Variants in PSG5 observed in about 807,000 individuals in gnomAD.
The protein encoded by PSG5 is pregnancy specific beta-1-glycoprotein 5.
Under a neutral mutation model 37.7 loss-of-function variants are expected in PSG5, and 53 were observed. The observed-to-expected ratio is 1.41, with a 90% CI of 1.13 to 1.77. PSG5 has a LOEUF of 1.77. PSG5 is among the 40% of genes most tolerant of loss of function. The pLI is 0.00. For missense variants in PSG5, 547 were observed against 405.2 expected, an observed-to-expected ratio of 1.35 and a Z score of -3.00; for synonymous variants, 221 against 155.4, an observed-to-expected ratio of 1.42 and a Z score of -3.14.
At chr19:43,171,015 G>C (rs1432360859) in intron 4 of PSG5, 1 of 151,192 alleles carries the variant, frequency 6.6e-6, no homozygotes, top group Admixed American at 6.6e-5. Context: ...GGTAGGTACT[G>C]TTGAGGGGCA....
In PSG5 at chr19:43,175,609, C is replaced by T. The variant is rs557639670; in HGVS notation, c.710-140G>A. On this transcript the variant is annotated intron_variant, in intron 3 of 5. Coordinates refer to ENST00000342951, the MANE Select transcript of PSG5 (RefSeq NM_002781.4). ...CGAACCCCCACTATATTCACTGAGC[C>T]AAAGCCTGAGGTATTCACCTGTTTC... 153 of 1,438,968 alleles carry T rather than the reference C, an allele frequency of 1.1e-4. 3 individuals are homozygous for T. The highest frequency in any genetic ancestry group is 1.3e-4 in the Non-Finnish European group (143 of 1,069,162). The allele number at this position is 1,438,968 out of a possible 1,614,324, so 89.1% of individuals were successfully genotyped here.
At chr19:43,179,143 G>A (rs187996200) in intron 2 of PSG5, 2 of 1,595,380 alleles carry the variant, frequency 1.3e-6, no homozygotes, top group Non-Finnish European at 8.6e-7. Context: ...GAGATGGAGG[G>A]CTTGGGAGTT....
Position 43,184,776 on chromosome 19 carries a change from A to C in PSG5, c.430+6T>G. ...CAACACCCAGGGATCATGTGGAATC[A>C]CTCACGGTATAAGTTGAAGGTGAAA... On this transcript the variant is annotated splice_donor_region_variant and intron_variant, in intron 2 of 5. Coordinates refer to ENST00000342951, the MANE Select transcript of PSG5 (RefSeq NM_002781.4). 6.2e-7 allele frequency: 1 copy of C among 1,611,940 alleles called. No homozygotes were observed. The highest frequency in any genetic ancestry group is 8.5e-7 in the Non-Finnish European group (1 of 1,178,882).
chr19:43,185,276 A>G lies in PSG5; in HGVS notation c.65-129T>C, dbSNP rs1051541780. On this transcript the variant is annotated intron_variant, in intron 1 of 5. Transcript: ENST00000342951. ...GACACACACACACACAAACACACAC[A>G]CACACAAAAGGTGCATGTTAGTTTG... The G allele has an allele frequency of 1.4e-5, 18 of 1,272,450 alleles. 1 individual carries two copies. Among genetic ancestry groups the G allele is most frequent in the Non-Finnish European group, 1.9e-5 (17 of 915,058 alleles). 78.8% of individuals were successfully genotyped at this position (1,272,450 alleles called of 1,614,324 possible).
intron 2 of PSG5, among the ~76,000 whole-genome samples, chr19:43,177,700 CATT>C (rs796076371): frequency 6.6e-6 from 1 of 151,450 alleles, no homozygotes; most frequent in South Asian, 2.1e-4. Context: ...TTGTGGCAGT[CATT>C]AATAAGAGCC....
intron 2 of PSG5, among the ~76,000 whole-genome samples, chr19:43,177,834 A>G (rs888535656): frequency 2.0e-5 from 3 of 151,600 alleles, no homozygotes; most frequent in Admixed American, 6.6e-5. Context: ...AACAGTATTG[A>G]TTCTTCCAAT....
At chr19:43,174,483 G>A (rs1304645578) in intron 4 of PSG5, 71 of 756,946 alleles carry the variant, frequency 9.4e-5, no homozygotes, top group Admixed American at 7.5e-4. Context: ...ACTATCCTCC[G>A]TGCTGTGTCC....
At chr19:43,178,815 C>G (rs1292440326) in intron 2 of PSG5, 1 of 1,610,978 alleles carries the variant, frequency 6.2e-7, no homozygotes, top group Non-Finnish European at 8.5e-7. Flanking sequence ...ACTGAGAGGC[C>G]TGGCCTCTGG....
At chr19:43,177,918 G>A (rs977469338) in intron 2 of PSG5, among the ~76,000 whole-genome samples, 1 of 131,512 alleles carries the variant, frequency 7.6e-6, no homozygotes, top group Non-Finnish European at 1.6e-5. Context: ...GTAGTTTTCA[G>A]GGTATAATCA....
At position 43,179,352 on chromosome 19, in the gene PSG5, G is replaced by A. The variant is rs564861843; in HGVS notation, c.431-3204C>T. Among the ~76,000 whole-genome samples the A allele has an allele frequency of 1.7e-3, 262 of 151,646 alleles. 4 individuals are homozygous for A. The highest frequency in any genetic ancestry group is 5.9e-3 in the African/African-American group (245 of 41,216). ...GATTGTGAGGCTGCCTGCTTTATGT[G>A]GGAGAAGTACAGGCTTTCTCAAGTG... On this transcript the variant is annotated intron_variant, in intron 2 of 5. Transcript: ENST00000342951.
chr19:43,178,683 G>A (rs1568373502), intron 2 of PSG5, among the ~76,000 whole-genome samples: 1 of 151,618 alleles, frequency 6.6e-6, no homozygotes, highest in African/African-American at 2.4e-5. Flanking sequence ...CCCATGACAG[G>A]AGCAGCCTCT....
In PSG5 at chr19:43,175,382, T is replaced by C. The variant is rs774912890; in HGVS notation, c.797A>G (p.Asn266Ser). 58 of 1,612,694 alleles carry C rather than the reference T, an allele frequency of 3.6e-5. 1 individual carries two copies. Among genetic ancestry groups the C allele is most frequent in the Admixed American group, 1.0e-4 (6 of 59,900 alleles). The stretch of plus-strand genomic sequence containing the variant: ...TGTCCAAAAATACTCTGCCGGTGGG[T>C]TAGATTCCGCGAAGCAGGACAAGTA... ...NLYLSCFAES[N>S]PPAEYFWTIN... is the part of the protein sequence containing the mutation. The change falls in exon 4 of 6, where the codon AAC becomes AGC. Residue 266 changes from asparagine to serine, a missense_variant. By Grantham distance (46) the Asn-to-Ser change is conservative. Coordinates refer to ENST00000342951, the MANE Select transcript of PSG5 (RefSeq NM_002781.4).
Position 43,184,845 on chromosome 19 carries a change from G to A in PSG5, c.367C>T (p.His123Tyr), listed in dbSNP as rs1381953298. Residue 123 changes from histidine (H) to tyrosine (Y), a missense_variant, in exon 2 of 6, where the codon CAC becomes TAC. His to Tyr is a moderately conservative substitution (Grantham distance 83, BLOSUM62 2). Coordinates refer to ENST00000342951, the MANE Select transcript of PSG5 (RefSeq NM_002781.4). ...TREDAGSYTL[H>Y]IIKRGDRTRG... is the part of the protein sequence containing the mutation. ...GTCCTATCACCTCGCTTTATGATGT[G>A]TAAGGTGTAGGATCCTGCGTCTTCC... The A allele has an allele frequency of 4.3e-6, 7 of 1,612,490 alleles. No individual in the cohort carries two copies. The highest frequency in any genetic ancestry group is 5.9e-6 in the Non-Finnish European group (7 of 1,179,098).
chr19:43,170,198 C>G (rs1280397462), intron 4 of PSG5, 60 bp from the exon 5 acceptor site: 32 of 1,413,412 alleles, frequency 2.3e-5, no homozygotes, highest in Admixed American at 3.5e-5. Flanking sequence ...ATGGGGGAGC[C>G]TCAGGAAGAG....
chr19:43,180,266 G>C (rs1969100146), intron 2 of PSG5: 1 of 151,526 alleles, frequency 6.6e-6, no homozygotes, highest in Admixed American at 6.6e-5. Context: ...GGAGGTTCTA[G>C]AGATCTCCTG....
rs749631070 is a variant in PSG5, at chr19:43,170,631, A to G, written c.965-493T>C. 38 of 274,310 alleles carry G rather than the reference A, an allele frequency of 1.4e-4. 1 individual carries two copies. In the Middle Eastern group the frequency reaches 4.8e-3, roughly 34 times the overall value. The allele number at this position is 274,310 out of a possible 1,614,324, so 17.0% of individuals were successfully genotyped here. A position where few individuals can be genotyped will look rare whatever the true frequency, so the allele number is the denominator to read the frequency against. ...CCAGGAAGGGCGTGAAAGCAAGCCT[A>G]GTTCTCTGAGGCTCTCTTTAACTCT... is the stretch of plus-strand genomic sequence containing the variant. On this transcript the variant is annotated intron_variant, in intron 4 of 5. Coordinates refer to ENST00000342951, the MANE Select transcript of PSG5 (RefSeq NM_002781.4).
intron 5 of PSG5, among the ~76,000 whole-genome samples, chr19:43,169,767 G>C: frequency 6.6e-6 from 1 of 151,636 alleles, no homozygotes; most frequent in South Asian, 2.1e-4. Flanking sequence ...ACTATTGAGA[G>C]ATGTTAAAAA....
chr19:43,184,995 T>C lies in PSG5; in HGVS notation c.217A>G (p.Met73Val), dbSNP rs1448758492. 1 of 1,612,646 alleles carries C rather than the reference T, an allele frequency of 6.2e-7. No homozygotes were observed. The highest frequency in any genetic ancestry group is 2.2e-5 in the East Asian group (1 of 44,868). ...GATGTAATGTAATGGTAGAGGTCCATCAGTTGTCCTTTGTACCAGATGTAG... is the reference window on the plus strand; with the variant it reads ...GATGTAATGTAATGGTAGAGGTCCACCAGTTGTCCTTTGTACCAGATGTAG... ...AGYIWYKGQL[M>V]DLYHYITSYV... The change falls in exon 2 of 6, where the codon ATG (methionine) becomes GTG (valine). Residue 73 changes from methionine to valine, a missense_variant. Met to Val is a conservative substitution (Grantham distance 21). Coordinates refer to ENST00000342951, the MANE Select transcript of PSG5 (RefSeq NM_002781.4).
rs1966902713 is a variant in PSG5 at position 43,185,071 on chromosome 19, C to A, written c.141G>T (p.Glu47Asp). The change falls in exon 2 of 6, where the codon GAG becomes GAT. Residue 47 changes from glutamate to aspartate, a missense_variant. Coordinates refer to ENST00000342951, the MANE Select transcript of PSG5 (RefSeq NM_002781.4). ...GGACAAGTAGAAGAACATCCTTCCC[C>A]TCGGAAACTTTGGGTGGCAGGGCTT... ...TIEALPPKVS[E>D]GKDVLLLVHN... 1 of 1,612,336 alleles carries A rather than the reference C, an allele frequency of 6.2e-7. No individual in the cohort carries two copies. Among genetic ancestry groups the A allele is most frequent in the Non-Finnish European group, 8.5e-7 (1 of 1,179,064 alleles).
Sources: gnomAD v4.1 joint callset for allele counts (sites outside exome capture counted in the v4.1 genomes callset) on GRCh38, gnomAD v4.1.1 for gene constraint, MANE v1.5 for transcripts, NCBI Gene and HGNC (gene_info 2026-07-23, HGNC 2026-07-21) for gene names.